Variants in NCOA2 observed in about 807,000 individuals in gnomAD.
The protein encoded by NCOA2 is nuclear receptor coactivator 2, also known as class E basic helix-loop-helix protein 75.
Under a neutral mutation model 145.1 loss-of-function variants are expected in NCOA2, and 21 were observed. That is an observed-to-expected ratio of 0.14 (90% CI 0.10 to 0.21). The LOEUF is 0.21. NCOA2 is among the 10% of genes least tolerant of loss of function. The probability of loss-of-function intolerance (pLI) is 1.00; values close to 1 mark genes in which losing one functional copy is unlikely to be tolerated. For synonymous variants in NCOA2, 619 were observed against 637.5 expected (o/e 0.97, Z 0.44); for missense variants, 1,472 against 1,837.6 (o/e 0.80, Z 3.64).
At chr8:70,217,807 A>T (rs1819766620) in intron 2 of NCOA2, among the ~76,000 whole-genome samples, 1 of 152,172 alleles carries the variant, frequency 6.6e-6, no homozygotes, top group Non-Finnish European at 1.5e-5. Flanking sequence ...ACTGCTTACC[A>T]AAAGAAAAAA....
intron 1 of NCOA2, among the ~76,000 whole-genome samples, chr8:70,369,591 C>T (rs1024568399): frequency 2.0e-5 from 3 of 152,110 alleles, no homozygotes; most frequent in African/African-American, 7.2e-5. Flanking sequence ...GCAGAAGGCA[C>T]ACAATCTTTA....
Position 70,112,120 on chromosome 8 carries a change from T to C in NCOA2, c.*1512A>G, listed in dbSNP as rs1269009809. 3 of 204,948 alleles carry C rather than the reference T, an allele frequency of 1.5e-5. No homozygotes were observed. Among genetic ancestry groups the C allele is most frequent in the African/African-American group, 6.9e-5 (3 of 43,762 alleles). 12.7% of individuals were successfully genotyped at this position (204,948 alleles called of 1,614,324 possible). ...AATATAAACATATAAAAATCAAGAA[T>C]TGGTTCCTACAGCGGCTGCATATCA... is the stretch of plus-strand genomic sequence containing the variant. On this transcript the variant is annotated 3_prime_UTR_variant, in exon 23 of 23. Transcript: ENST00000452400.
intron 1 of NCOA2, among the ~76,000 whole-genome samples, chr8:70,324,882 A>G (rs1056473333): frequency 2.6e-5 from 4 of 152,172 alleles, no homozygotes; most frequent in African/African-American, 9.6e-5. Context: ...TTTCCTTTTT[A>G]TGTTTACTTT....
intron 2 of NCOA2, among the ~76,000 whole-genome samples, chr8:70,287,857 A>G (rs141414737): frequency 3.9e-5 from 6 of 152,316 alleles, no homozygotes; most frequent in Non-Finnish European, 8.8e-5. Flanking sequence ...AGCCTTACCT[A>G]TAATGACAAA....
At chr8:70,351,363 T>A (rs958918948) in intron 1 of NCOA2, among the ~76,000 whole-genome samples, 4 of 152,200 alleles carry the variant, frequency 2.6e-5, no homozygotes, top group Non-Finnish European at 4.4e-5. Context: ...ATCAACTGAT[T>A]GTACTTGTTT....
intron 1 of NCOA2, among the ~76,000 whole-genome samples, chr8:70,350,597 C>T (rs1753410671): frequency 6.6e-6 from 1 of 152,154 alleles, no homozygotes; most frequent in South Asian, 2.1e-4. Context: ...CCTATGGTAA[C>T]ACAAAAGATT....
chr8:70,200,553 T>C (rs906915694), intron 4 of NCOA2, among the ~76,000 whole-genome samples: 1 of 152,176 alleles, frequency 6.6e-6, no homozygotes, highest in South Asian at 2.1e-4. Context: ...AAAATCATTG[T>C]GTAATTCTGA....
At chr8:70,215,917 A>AT (rs908249982) in intron 3 of NCOA2, among the ~76,000 whole-genome samples, 46 of 151,554 alleles carry the variant, frequency 3.0e-4, no homozygotes, top group Admixed American at 1.2e-3. Context: ...TTCTTAAGAG[A>AT]TTTTTTTTTC....
At chr8:70,391,699 TAAAC>T (rs1158770578) in intron 1 of NCOA2, among the ~76,000 whole-genome samples, 1 of 152,168 alleles carries the variant, frequency 6.6e-6, no homozygotes, top group Non-Finnish European at 1.5e-5. Context: ...CTAAAAAGTC[TAAAC>T]AAACAAAACA....
the NCOA2 span, among the ~76,000 whole-genome samples, chr8:70,442,193 G>A: frequency 8.1e-6 from 1 of 123,748 alleles, no homozygotes; most frequent in Non-Finnish European, 1.9e-5. Flanking sequence ...TCTTTAGGCC[G>A]ATGAGAGAAG....
At chr8:70,261,045 G>A (rs533280886) in intron 2 of NCOA2, among the ~76,000 whole-genome samples, 6 of 152,294 alleles carry the variant, frequency 3.9e-5, no homozygotes, top group South Asian at 4.1e-4. Context: ...TCAGTGTGGC[G>A]ATTCCTCAGG....
At chr8:70,157,693 G>T (rs1027978517) in intron 10 of NCOA2, among the ~76,000 whole-genome samples, 1 of 152,086 alleles carries the variant, frequency 6.6e-6, no homozygotes, top group African/African-American at 2.4e-5. Context: ...TTACTACTTG[G>T]CTCAAGATAA....
At chr8:70,293,253 C>T (rs553778193) in intron 2 of NCOA2, among the ~76,000 whole-genome samples, 25 of 152,178 alleles carry the variant, frequency 1.6e-4, no homozygotes, top group Non-Finnish European at 3.4e-4. Flanking sequence ...ATCAAAGTGC[C>T]CATATCTTCA....
Position 70,131,899 on chromosome 8 carries a change from G to A in NCOA2, c.3262C>T (p.Arg1088Trp), listed in dbSNP as rs1292841322. The A allele has an allele frequency of 3.1e-6, 5 of 1,605,420 alleles. No homozygotes were observed. The highest frequency in any genetic ancestry group is 1.1e-5 in the South Asian group (1 of 88,906). ...ALLDQLYLAL[R>W]NFDGLEEIDR... ...ATCTCCTCCAGGCCATCAAAATTCC[G>A]CAAGGCCAGATACAGCTGGTCCAGG... The change falls in exon 16 of 23, where the codon CGG becomes TGG. Residue 1088 changes from arginine to tryptophan, a missense_variant. Transcript: ENST00000452400.
chr8:70,221,093 G>A (rs1413677557), intron 2 of NCOA2, among the ~76,000 whole-genome samples: 1 of 152,158 alleles, frequency 6.6e-6, no homozygotes, highest in African/African-American at 2.4e-5. Flanking sequence ...CTTGTTATGA[G>A]AACAGAAAGA....
the NCOA2 span, among the ~76,000 whole-genome samples, chr8:70,441,126 A>AAGAAAGAAAG: frequency 2.8e-4 from 1 of 3,540 alleles, no homozygotes; most frequent in Non-Finnish European, 2.1e-3. Context: ...AAGAAAGAGA[A>AAGAAAGAAAG]AGAAAGAAAG....
chr8:70,134,188 C>T lies in NCOA2; in HGVS notation c.3159-2186G>A, dbSNP rs187956561. Among the ~76,000 whole-genome samples, 22 of 152,300 alleles carry T rather than the reference C, an allele frequency of 1.4e-4. No homozygotes were observed. In the East Asian group the frequency reaches 4.0e-3, roughly 28 times the overall value. ...TAAACCAAATGTGATCAGACTGCTC[C>T]ACTACTGCTACACTTAGGGAGCGGG... On this transcript the variant is annotated intron_variant, in intron 15 of 22. Coordinates refer to ENST00000452400, the MANE Select transcript of NCOA2 (RefSeq NM_006540.4).
chr8:70,308,980 C>T (rs1828098765), intron 1 of NCOA2, among the ~76,000 whole-genome samples: 1 of 152,158 alleles, frequency 6.6e-6, no homozygotes, highest in South Asian at 2.1e-4. Context: ...GAGAATATAG[C>T]AGCAGCAGTA....
chr8:70,424,536 C>T, the NCOA2 span: 16 of 529,480 alleles, frequency 3.0e-5, no homozygotes, highest in Middle Eastern at 6.4e-4. Context: ...GTTGAGTACT[C>T]GCAAAATATG....
Sources: gnomAD v4.1 joint callset for allele counts (sites outside exome capture counted in the v4.1 genomes callset) on GRCh38, gnomAD v4.1.1 for gene constraint, MANE v1.5 for transcripts, NCBI Gene and HGNC (gene_info 2026-07-23, HGNC 2026-07-21) for gene names.